The following AGAP1 variants were observed in gnomAD, a reference collection of about 807,000 sequenced individuals.
AGAP1 encodes the protein arf-GAP with GTPase, ANK repeat and PH domain-containing protein 1.
Under a neutral mutation model 105.3 loss-of-function variants are expected in AGAP1, and 29 were observed. The observed-to-expected ratio is 0.28, with a 90% CI of 0.21 to 0.38. AGAP1 has a LOEUF of 0.38. Ranked by LOEUF, AGAP1 falls within the 10% of genes least tolerant of loss-of-function variation. The pLI, the probability that AGAP1 is intolerant of heterozygous loss-of-function variation, is 1.00. For synonymous variants in AGAP1, 509 were observed against 485.9 expected, an observed-to-expected ratio of 1.05 and a Z score of -0.63; for missense variants, 998 against 1,165.1, an observed-to-expected ratio of 0.86 and a Z score of 2.09.
In AGAP1 at chr2:235,504,309, C is replaced by G. The variant is rs530914764; in HGVS notation, c.163+9460C>G. 3.3e-5 allele frequency among the ~76,000 whole-genome samples: 5 copies of G among 151,564 alleles called. No homozygotes were observed. The East Asian group carries it at 9.8e-4, about 30-fold the overall frequency. ...AATTGTAGCCCCCATTTATTGGTCTCTTCTGCCTGTGATATGTGCTTGAGT... is the reference window on the plus strand; with the variant it reads ...AATTGTAGCCCCCATTTATTGGTCTGTTCTGCCTGTGATATGTGCTTGAGT... On this transcript the variant is annotated intron_variant, in intron 1 of 17. Coordinates refer to ENST00000304032, the MANE Select transcript of AGAP1 (RefSeq NM_001037131.3).
chr2:236,080,667 A>G lies in AGAP1; in HGVS notation c.2114+31386A>G, dbSNP rs184422387. ...CACCCACTTAGTGGTTTAAAGTAACACGGAAGTATTCCATTACAGTTCTGG... is the reference window on the plus strand; with the variant it reads ...CACCCACTTAGTGGTTTAAAGTAACGCGGAAGTATTCCATTACAGTTCTGG... On this transcript the variant is annotated intron_variant, in intron 16 of 17. Coordinates refer to ENST00000304032, the MANE Select transcript of AGAP1 (RefSeq NM_001037131.3). The surrounding 1 kb of genome is among the most constrained non-coding windows in gnomAD (Gnocchi z 4.2). Among the ~76,000 whole-genome samples, 7 of 152,332 alleles carry G rather than the reference A, an allele frequency of 4.6e-5. No individual in the cohort carries two copies. The highest frequency in any genetic ancestry group is 3.3e-4 in the Admixed American group (5 of 15,300).
intron 1 of AGAP1, among the ~76,000 whole-genome samples, chr2:235,514,122 T>G (rs1327770226): frequency 6.6e-6 from 1 of 151,734 alleles, no homozygotes; most frequent in Non-Finnish European, 1.5e-5. Flanking sequence ...TTTCCCCGAG[T>G]CTCACCTTGG....
rs887185769 is a variant in AGAP1 at position 235,893,984 on chromosome 2, A to G, written c.1155+10535A>G. 1.3e-5 allele frequency among the ~76,000 whole-genome samples: 2 copies of G among 152,230 alleles called. No homozygotes were observed. The highest frequency in any genetic ancestry group is 2.9e-5 in the Non-Finnish European group (2 of 68,036). The stretch of plus-strand genomic sequence containing the variant: ...TAGGGTTGGGTGAACACACACACAC[A>G]CACGTAATCACTGCCTCACGTGGCA... On this transcript the variant is annotated intron_variant, in intron 10 of 17. Transcript: ENST00000304032. The surrounding 1 kb of genome is among the most constrained non-coding windows in gnomAD (Gnocchi z 4.7).
intron 1 of AGAP1, among the ~76,000 whole-genome samples, chr2:235,496,006 C>T (rs1167841876): frequency 6.6e-6 from 1 of 152,220 alleles, no homozygotes; most frequent in Non-Finnish European, 1.5e-5. Flanking sequence ...CAGCCTCCTC[C>T]CTCTGTGAGG....
At chr2:235,760,785 G>C (rs1265565613) in intron 6 of AGAP1, among the ~76,000 whole-genome samples, 1 of 152,096 alleles carries the variant, frequency 6.6e-6, no homozygotes, top group African/African-American at 2.4e-5. Context: ...TGAGGGTCTC[G>C]ATGTATTGCC....
At position 235,872,146 on chromosome 2, in the gene AGAP1, A is replaced by G. The variant is rs1303413086; in HGVS notation, c.1051-11199A>G. On this transcript the variant is annotated intron_variant, in intron 9 of 17. Transcript: ENST00000304032. The surrounding 1 kb of genome is among the most constrained non-coding windows in gnomAD (Gnocchi z 4.5). Reference sequence around the variant, plus strand: ...GGTGTCATATCAATTCCTGTCCATGAAATGAGGATAATCAATGACCATCTG... The same window carrying G: ...GGTGTCATATCAATTCCTGTCCATGGAATGAGGATAATCAATGACCATCTG... Among the ~76,000 whole-genome samples, 2 of 152,214 alleles carry G rather than the reference A, an allele frequency of 1.3e-5. No individual in the cohort carries two copies. Among genetic ancestry groups the G allele is most frequent in the African/African-American group, 4.8e-5 (2 of 41,442 alleles).
chr2:235,918,908 G>T (rs2052031976), intron 11 of AGAP1, among the ~76,000 whole-genome samples: 1 of 152,114 alleles, frequency 6.6e-6, no homozygotes, highest in Non-Finnish European at 1.5e-5. Context: ...ACCAACTAAA[G>T]CAACTTGATT....
At position 235,655,556 on chromosome 2, in the gene AGAP1, A is replaced by T. The variant is rs1339007497; in HGVS notation, c.164-53623A>T. On this transcript the variant is annotated intron_variant, in intron 1 of 17. Transcript: ENST00000304032. This position sits in a 1 kb window ranked among gnomAD's most constrained non-coding sequence, Gnocchi z 4.3. ...ATAATACTCCCCACTCCTAGTTGGG[A>T]ATATCTAACCTGTGTTGAGTACCTG... Among the ~76,000 whole-genome samples, 1 of 152,112 alleles carries T rather than the reference A, an allele frequency of 6.6e-6. No individual in the cohort carries two copies. The highest frequency in any genetic ancestry group is 2.4e-5 in the African/African-American group (1 of 41,390).
chr2:235,824,791 C>T lies in AGAP1; in HGVS notation c.1050+17460C>T, dbSNP rs530765912. On this transcript the variant is annotated intron_variant, in intron 9 of 17. Transcript: ENST00000304032. This position sits in a 1 kb window ranked among gnomAD's most constrained non-coding sequence, Gnocchi z 5.2. ...AAGAAATGCTCAACCTAAAACACAA[C>T]TGTGTTTTTCTCAGGCATATTGTTG... Among the ~76,000 whole-genome samples, 1 of 152,284 alleles carries T rather than the reference C, an allele frequency of 6.6e-6. No individual in the cohort carries two copies. The highest frequency in any genetic ancestry group is 1.9e-4 in the East Asian group (1 of 5,184).
At chr2:235,670,143 C>T (rs1302692487) in intron 1 of AGAP1, 1 of 582,892 alleles carries the variant, frequency 1.7e-6, no homozygotes, top group Non-Finnish European at 3.1e-6. Context: ...TCGCCACCCG[C>T]GGACGCGATG....
rs1175212539 is a variant in AGAP1, at chr2:235,889,896, G to C, written c.1155+6447G>C. Among the ~76,000 whole-genome samples the C allele has an allele frequency of 1.3e-5, 2 of 152,088 alleles. No homozygotes were observed. Among genetic ancestry groups the C allele is most frequent in the African/African-American group, 2.4e-5 (1 of 41,384 alleles). ...AGAAGCAAAACATGGAGCCAACTCA[G>C]ACTAAGAAAGCTCCATGAAAGTTTA... On this transcript the variant is annotated intron_variant, in intron 10 of 17. Transcript: ENST00000304032. This position sits in a 1 kb window ranked among gnomAD's most constrained non-coding sequence, Gnocchi z 4.6.
chr2:235,856,313 G>T (rs1264497510), intron 9 of AGAP1, among the ~76,000 whole-genome samples: 2 of 152,160 alleles, frequency 1.3e-5, no homozygotes, highest in Non-Finnish European at 2.9e-5. Flanking sequence ...GAATTGTTTG[G>T]GTTTTCCATA....
chr2:235,932,074 C>T (rs2052749632), intron 12 of AGAP1, among the ~76,000 whole-genome samples: 1 of 152,212 alleles, frequency 6.6e-6, no homozygotes, highest in African/African-American at 2.4e-5. Flanking sequence ...ACGATGATAA[C>T]CCTGAAAACC....
Position 235,962,618 on chromosome 2 carries a change from C to T in AGAP1, c.1484-5844C>T, listed in dbSNP as rs903076605. ...GACCATGAGAGAGGGTGTCTGAGGT[C>T]CAGGGCAGAAGAGATTCATGAGGGT... On this transcript the variant is annotated intron_variant, in intron 12 of 17. Coordinates refer to ENST00000304032, the MANE Select transcript of AGAP1 (RefSeq NM_001037131.3). The surrounding 1 kb of genome is among the most constrained non-coding windows in gnomAD (Gnocchi z 5.3). Among the ~76,000 whole-genome samples the T allele has an allele frequency of 6.6e-6, 1 of 151,860 alleles. No homozygotes were observed. The highest frequency in any genetic ancestry group is 1.5e-5 in the Non-Finnish European group (1 of 67,974).
Position 235,988,978 on chromosome 2 carries a change from G to T in AGAP1, c.1645+20355G>T, listed in dbSNP as rs1364952220. On this transcript the variant is annotated intron_variant, in intron 13 of 17. Coordinates refer to ENST00000304032, the MANE Select transcript of AGAP1 (RefSeq NM_001037131.3). The surrounding 1 kb of genome is among the most constrained non-coding windows in gnomAD (Gnocchi z 4.7). ...TTGAGTTTTAGTTTAGGTCTTCCGA[G>T]GAATGCACAGACCACACGTTGTCAG... is the stretch of plus-strand genomic sequence containing the variant. Among the ~76,000 whole-genome samples, 1 of 152,152 alleles carries T rather than the reference G, an allele frequency of 6.6e-6. No individual in the cohort carries two copies. Among genetic ancestry groups the T allele is most frequent in the Admixed American group, 6.5e-5 (1 of 15,274 alleles).
chr2:235,771,584 C>T (rs2149852397), intron 6 of AGAP1, among the ~76,000 whole-genome samples: 1 of 152,324 alleles, frequency 6.6e-6, no homozygotes, highest in Non-Finnish European at 1.5e-5. Flanking sequence ...CCTGTCTGGT[C>T]TTCCCCGAAG....
intron 12 of AGAP1, among the ~76,000 whole-genome samples, chr2:235,935,483 T>C (rs1019511378): frequency 3.9e-5 from 6 of 152,230 alleles, no homozygotes; most frequent in African/African-American, 1.4e-4. Flanking sequence ...TAAAAACTGG[T>C]GGCTGTAAAT....
chr2:235,587,936 A>G (rs900048952), intron 1 of AGAP1, among the ~76,000 whole-genome samples: 6 of 151,732 alleles, frequency 4.0e-5, no homozygotes, highest in African/African-American at 1.5e-4. Flanking sequence ...AGCCTTAGAA[A>G]TGCTCATTTG....
At chr2:235,616,359 CAAAAA>C (rs796596364) in intron 1 of AGAP1, among the ~76,000 whole-genome samples, 1 of 111,640 alleles carries the variant, frequency 9.0e-6, no homozygotes, top group Non-Finnish European at 1.9e-5. Context: ...GACTCCATCT[CAAAAA>C]AAAAAAAAAG....
Sources: allele counts gnomAD v4.1 joint callset (sites outside exome capture counted in the v4.1 genomes callset), GRCh38; gene constraint gnomAD v4.1.1; non-coding constraint Gnocchi (gnomAD v3.1); transcripts MANE v1.5; gene names NCBI Gene and HGNC (gene_info 2026-07-23, HGNC 2026-07-21).